TOX2: variants seen among roughly 807,000 people sequenced by gnomAD.
TOX2 encodes the protein TOX high mobility group box family member 2.
TOX2 carries 15 observed loss-of-function variants against 47.4 expected under a neutral mutation model. The ratio of observed to expected loss-of-function variants is 0.32; its 90% CI spans 0.21 to 0.49. TOX2 has a LOEUF of 0.49. TOX2 is among the 20% of genes least tolerant of loss of function. TOX2 has a pLI of 0.99. For synonymous variants in TOX2, 290 were observed against 296.6 expected, an observed-to-expected ratio of 0.98 and a Z score of 0.23; for missense variants, 622 against 673.1, an observed-to-expected ratio of 0.92 and a Z score of 0.84.
intron 1 of TOX2, among the ~76,000 whole-genome samples, chr20:43,931,273 C>T (rs989970198): frequency 3.3e-5 from 5 of 151,770 alleles, no homozygotes; most frequent in African/African-American, 7.3e-5. Context: ...TGAGTAGCTG[C>T]GACTTCAGGC....
intron 1 of TOX2, among the ~76,000 whole-genome samples, chr20:43,931,335 A>G (rs1194366475): frequency 2.0e-5 from 3 of 152,046 alleles, no homozygotes; most frequent in African/African-American, 4.8e-5. Context: ...GGGTCTCACC[A>G]TGTTGCCCAG....
At chr20:43,937,833 G>T (rs2069347346) in intron 1 of TOX2, among the ~76,000 whole-genome samples, 2 of 152,170 alleles carry the variant, frequency 1.3e-5, no homozygotes, top group African/African-American at 4.8e-5. Context: ...CAGATCAGGG[G>T]CTGTGGTTTT....
In TOX2 at chr20:44,006,556, G is replaced by A. The variant is rs199892493; in HGVS notation, c.175G>A (p.Gly59Ser). ...ELLSTSQTYN[G>S]QSENNEDYEI... The stretch of plus-strand genomic sequence containing the variant: ...CTTTTTGATGTTTTAGACCTACAAC[G>A]GCCAGAGCGAGAACAACGAAGACTA... The change falls in exon 3 of 9, where the codon GGC (glycine) becomes AGC (serine). Residue 59 changes from glycine (G) to serine (S), a missense_variant. Physicochemically the swap from Gly to Ser is moderately conservative, Grantham distance 56 (BLOSUM62 0). This residue lies in a region of TOX2 where 307 missense variants were observed against 327.3 expected (regional missense o/e 0.94). Coordinates refer to ENST00000341197, the MANE Select transcript of TOX2 (RefSeq NM_001098797.2). 1.1e-5 allele frequency: 17 copies of A among 1,612,744 alleles called. No homozygotes were observed. The highest frequency in any genetic ancestry group is 2.2e-5 in the East Asian group (1 of 44,880).
intron 3 of TOX2, among the ~76,000 whole-genome samples, chr20:44,015,468 G>C (rs971784739): frequency 1.3e-5 from 2 of 152,166 alleles, no homozygotes; most frequent in African/African-American, 4.8e-5. Flanking sequence ...AAAGATTTAT[G>C]TAACACATTT....
At chr20:43,975,531 C>G (rs896669984) in intron 2 of TOX2, among the ~76,000 whole-genome samples, 17 of 152,118 alleles carry the variant, frequency 1.1e-4, no homozygotes, top group African/African-American at 4.1e-4. Context: ...AGCTGGCATT[C>G]AAACTTGTGA....
At position 44,069,044 on chromosome 20, in the gene TOX2, G is replaced by C. The variant is rs1017359539; in HGVS notation, c.*358G>C. On this transcript the variant is annotated 3_prime_UTR_variant, in exon 9 of 9. Transcript: ENST00000341197. Reference sequence around the variant, plus strand: ...GCCCCTGGCGGGGTCGCTTACCAACGGACACCCACCCCAGATGCATGGGCC... The same window carrying C: ...GCCCCTGGCGGGGTCGCTTACCAACCGACACCCACCCCAGATGCATGGGCC... 13 of 420,802 alleles carry C rather than the reference G, an allele frequency of 3.1e-5. No individual in the cohort carries two copies. The highest frequency in any genetic ancestry group is 2.6e-4 in the African/African-American group (13 of 49,296). 26.1% of individuals were successfully genotyped at this position (420,802 alleles called of 1,614,324 possible). A position where few individuals can be genotyped will look rare whatever the true frequency, so the allele number is the denominator to read the frequency against.
chr20:43,956,161 C>T (rs893310677), intron 1 of TOX2, among the ~76,000 whole-genome samples: 2 of 152,168 alleles, frequency 1.3e-5, no homozygotes, highest in African/African-American at 4.8e-5. Flanking sequence ...TTACAAGGCC[C>T]TTGTCTAGGC....
At position 44,051,465 on chromosome 20, in the gene TOX2, C is replaced by G. The variant is rs1228906571; in HGVS notation, c.571C>G (p.Pro191Ala). The change falls in exon 4 of 9, where the codon CCA (proline) becomes GCA (alanine). Residue 191 changes from proline (P) to alanine (A), a missense_variant. Around this residue, in one of 3 missense-constraint regions of TOX2, gnomAD observed 307 missense variants for 327.3 expected, o/e 0.94. Transcript: ENST00000341197. ...CCGGAGCAGCATCGCCCACAGCTCC[C>G]CATCACCGCCGGGGAGCAAGTCAGC... ...GIRSSIAHSS[P>A]SPPGSKSATP... The G allele has an allele frequency of 1.2e-6, 2 of 1,613,820 alleles. No homozygotes were observed. Among genetic ancestry groups the G allele is most frequent in the South Asian group, 1.1e-5 (1 of 91,032 alleles).
intron 1 of TOX2, among the ~76,000 whole-genome samples, chr20:43,934,051 C>T (rs979263277): frequency 9.3e-5 from 14 of 150,992 alleles, no homozygotes; most frequent in African/African-American, 3.4e-4. Context: ...TGTTCTGGTC[C>T]TCAGGCTGTG....
intron 3 of TOX2, among the ~76,000 whole-genome samples, chr20:44,048,388 T>TATATATA (rs1555845974): frequency 2.6e-4 from 23 of 86,850 alleles, no homozygotes; most frequent in African/African-American, 9.9e-4. Flanking sequence ...TAAAATGAAT[T>TATATATA]TATATATATA....
intron 3 of TOX2, among the ~76,000 whole-genome samples, chr20:44,012,284 C>CCCTGGGAGATGACAGGAGATTA (rs2070790173): frequency 6.6e-6 from 1 of 152,178 alleles, no homozygotes; most frequent in Non-Finnish European, 1.5e-5. Context: ...TCCTGGCTTA[C>CCCTGGGAGATGACAGGAGATTA]CCAGGAGAGG....
intron 2 of TOX2, among the ~76,000 whole-genome samples, chr20:43,977,322 G>A (rs1014090773): frequency 1.3e-5 from 2 of 152,110 alleles, no homozygotes; most frequent in African/African-American, 2.4e-5. Flanking sequence ...TGTTGGCCAG[G>A]CTGGTCTTGA....
intron 3 of TOX2, among the ~76,000 whole-genome samples, chr20:44,050,639 T>C (rs1047366982): frequency 2.0e-5 from 3 of 152,188 alleles, no homozygotes; most frequent in African/African-American, 7.2e-5. Flanking sequence ...TCATGGGGAA[T>C]GGAGTTAATA....
intron 2 of TOX2, among the ~76,000 whole-genome samples, chr20:43,999,180 GTAT>G (rs1284278431): frequency 6.6e-6 from 1 of 152,026 alleles, no homozygotes; most frequent in African/African-American, 2.4e-5. Context: ...GAAATCATTC[GTAT>G]TATGTTATGA....
intron 3 of TOX2, among the ~76,000 whole-genome samples, chr20:44,043,795 G>A (rs1014227107): frequency 5.3e-5 from 8 of 152,128 alleles, no homozygotes; most frequent in South Asian, 2.1e-4. Flanking sequence ...TATTTAAGTC[G>A]TGATTAATGA....
intron 3 of TOX2, among the ~76,000 whole-genome samples, chr20:44,050,041 G>C (rs529898223): frequency 1.6e-3 from 247 of 152,278 alleles, no homozygotes; most frequent in African/African-American, 5.5e-3. Flanking sequence ...TATTCCAGAA[G>C]TCTTCTTGAA....
intron 1 of TOX2, among the ~76,000 whole-genome samples, chr20:43,966,753 CAAAA>C (rs11483515): frequency 3.3e-5 from 3 of 91,084 alleles, no homozygotes; most frequent in Non-Finnish European, 7.0e-5. Context: ...AACTCTGTCT[CAAAA>C]AAAAAAAAAA....
intron 3 of TOX2, among the ~76,000 whole-genome samples, chr20:44,050,575 A>G (rs1178081906): frequency 2.0e-5 from 3 of 152,226 alleles, no homozygotes; most frequent in Non-Finnish European, 2.9e-5. Context: ...TTTAGTGTGA[A>G]AAATGCTTAT....
chr20:43,919,676 C>A (rs2069092868), intron 1 of TOX2, among the ~76,000 whole-genome samples: 1 of 152,172 alleles, frequency 6.6e-6, no homozygotes, highest in East Asian at 1.9e-4. Context: ...TCCCTCCCTC[C>A]CCCCGGCACT....
Sources: gnomAD v4.1 joint callset for allele counts (sites outside exome capture counted in the v4.1 genomes callset) on GRCh38, gnomAD v4.1.1 for gene constraint, gnomAD v4.1.1 regional missense constraint, MANE v1.5 for transcripts, NCBI Gene and HGNC (gene_info 2026-07-23, HGNC 2026-07-21) for gene names.